The following TACR3 variants were observed in gnomAD, a reference collection of about 807,000 sequenced individuals.
TACR3 encodes the protein tachykinin receptor 3, also known as neuromedin-K receptor.
In TACR3, 34 loss-of-function variants were observed where a neutral mutation model predicts 35.0. The observed-to-expected ratio is 0.97, with a 90% CI of 0.74 to 1.30. The LOEUF is 1.30. Ranked by LOEUF, TACR3 falls within the 50% of genes most tolerant of loss-of-function variation. TACR3 has a pLI of 0.00. For synonymous variants in TACR3, 233 were observed against 221.1 expected (o/e 1.05, Z -0.48); for missense variants, 558 against 591.7 (o/e 0.94, Z 0.59).
At chr4:103,620,901 T>TAAAA (rs60906380) in intron 3 of TACR3, among the ~76,000 whole-genome samples, 2 of 151,532 alleles carry the variant, frequency 1.3e-5, no homozygotes, top group African/African-American at 4.9e-5. Flanking sequence ...TTTTAAAAAA[T>TAAAA]AAAGATTCCA....
intron 3 of TACR3, among the ~76,000 whole-genome samples, chr4:103,647,414 AC>A (rs1725486597): frequency 6.6e-6 from 1 of 151,910 alleles, no homozygotes; most frequent in African/African-American, 2.4e-5. Flanking sequence ...CATTAATATA[AC>A]TTGGTCAGCA....
chr4:103,702,907 G>T (rs1384212615), intron 1 of TACR3, among the ~76,000 whole-genome samples: 70 of 110,658 alleles, frequency 6.3e-4, no homozygotes, highest in South Asian at 3.8e-4. Flanking sequence ...GTTGTGGGGT[G>T]GGGGGAGGGG....
intron 3 of TACR3, among the ~76,000 whole-genome samples, chr4:103,627,684 C>G (rs1351156398): frequency 1.3e-5 from 2 of 152,006 alleles, no homozygotes; most frequent in African/African-American, 4.8e-5. Context: ...GACTGCCACA[C>G]AATAATAATG....
At chr4:103,653,836 CA>C (rs199587921) in intron 3 of TACR3, among the ~76,000 whole-genome samples, 4,583 of 152,010 alleles carry the variant, frequency 0.03, 224 homozygotes, top group African/African-American at 0.1. Flanking sequence ...ACAATGAACT[CA>C]AACAAATTTA....
At chr4:103,682,351 A>G (rs1722118353) in intron 1 of TACR3, among the ~76,000 whole-genome samples, 9 of 152,196 alleles carry the variant, frequency 5.9e-5, no homozygotes, top group Admixed American at 5.9e-4. Flanking sequence ...ATTGACTCAC[A>G]GTTCCACATG....
rs150011233 is a variant in TACR3, at chr4:103,610,874, G to C, written c.889-19191C>G. 4.2e-3 allele frequency among the ~76,000 whole-genome samples: 643 copies of C among 152,054 alleles called. 5 individuals carry two copies. Among genetic ancestry groups the C allele is most frequent in the African/African-American group, 0.014 (593 of 41,508 alleles). The stretch of plus-strand genomic sequence containing the variant: ...TAACCAGTTTTCCTAGCCCCATTTA[G>C]GGGCTTGTCCTTTCCCCAATGTGTG... On this transcript the variant is annotated intron_variant, in intron 3 of 4. Transcript: ENST00000304883.
At chr4:103,684,987 TTAAA>T (rs146299787) in intron 1 of TACR3, among the ~76,000 whole-genome samples, 23,242 of 141,930 alleles carry the variant, frequency 0.16, 2,318 homozygotes, top group African/African-American at 0.29. Flanking sequence ...CATCTCAAAA[TTAAA>T]TAAATAAATA....
chr4:103,653,405 G>A (rs1485386799), intron 3 of TACR3, among the ~76,000 whole-genome samples: 1 of 151,678 alleles, frequency 6.6e-6, no homozygotes, highest in Non-Finnish European at 1.5e-5. Context: ...TTTCTTTCTA[G>A]AAAAACATTA....
intron 1 of TACR3, among the ~76,000 whole-genome samples, chr4:103,693,814 T>C (rs1461370287): frequency 6.6e-6 from 1 of 152,102 alleles, no homozygotes; most frequent in African/African-American, 2.4e-5. Flanking sequence ...AGAGATTTTT[T>C]TCCCAGGTAA....
At chr4:103,624,392 C>T (rs1195801018) in intron 3 of TACR3, 1 of 151,936 alleles carries the variant, frequency 6.6e-6, no homozygotes, top group African/African-American at 2.4e-5. Context: ...AAGATAATAC[C>T]TGAGAATCAA....
chr4:103,628,304 C>T (rs1167475165), intron 3 of TACR3, among the ~76,000 whole-genome samples: 2 of 151,388 alleles, frequency 1.3e-5, no homozygotes, highest in African/African-American at 2.4e-5. Context: ...TCAGAGCAGA[C>T]CTGAAGGAGA....
chr4:103,700,560 C>T (rs952496966), intron 1 of TACR3, among the ~76,000 whole-genome samples: 11 of 152,202 alleles, frequency 7.2e-5, no homozygotes, highest in Non-Finnish European at 7.3e-5. Context: ...TTACTCCAAA[C>T]AGGTGATGTC....
intron 3 of TACR3, among the ~76,000 whole-genome samples, chr4:103,651,718 G>A (rs1725622178): frequency 1.3e-5 from 2 of 151,978 alleles, no homozygotes; most frequent in Non-Finnish European, 2.9e-5. Context: ...AAGCTAGCAT[G>A]TCTCAGGCTC....
In TACR3 at chr4:103,589,440, A is replaced by G. The variant is rs1723841661; in HGVS notation, c.*242T>C. 2.1e-6 allele frequency: 1 copy of G among 486,406 alleles called. No homozygotes were observed. Among genetic ancestry groups the G allele is most frequent in the Non-Finnish European group, 3.7e-6 (1 of 270,966 alleles). The allele number at this position is 486,406 out of a possible 1,614,324, so 30.1% of individuals were successfully genotyped here. On this transcript the variant is annotated 3_prime_UTR_variant, in exon 5 of 5. Transcript: ENST00000304883. ...TTCCTGACATATTTTTGTTCATTGC[A>G]TATAATAATTTAGAGTTTTCAAAGA...
chr4:103,626,740 GGT>G (rs1212835162), intron 3 of TACR3, among the ~76,000 whole-genome samples: 1 of 152,120 alleles, frequency 6.6e-6, no homozygotes, highest in Non-Finnish European at 1.5e-5. Context: ...TATAGTTTAA[GGT>G]TAAGGGAATT....
chr4:103,603,053 T>C (rs1724248914), intron 3 of TACR3, among the ~76,000 whole-genome samples: 1 of 152,264 alleles, frequency 6.6e-6, no homozygotes, highest in Non-Finnish European at 1.5e-5. Flanking sequence ...TCGAGCTTCC[T>C]GTCTGCTTTG....
At chr4:103,648,575 T>C (rs1725509337) in intron 3 of TACR3, among the ~76,000 whole-genome samples, 1 of 152,112 alleles carries the variant, frequency 6.6e-6, no homozygotes, top group Admixed American at 6.6e-5. Flanking sequence ...TCACTTAACA[T>C]AATGACCTCT....
intron 3 of TACR3, among the ~76,000 whole-genome samples, chr4:103,613,375 G>C (rs928833264): frequency 6.6e-6 from 1 of 152,076 alleles, no homozygotes; most frequent in Non-Finnish European, 1.5e-5. Context: ...ATTACTTAGG[G>C]AAAACTGCCA....
chr4:103,629,768 T>A (rs1240012843), intron 3 of TACR3, among the ~76,000 whole-genome samples: 3 of 149,686 alleles, frequency 2.0e-5, no homozygotes, highest in Non-Finnish European at 4.4e-5. Flanking sequence ...AATGACTTTC[T>A]TCACAGAATT....
Sources: gnomAD v4.1 joint callset for allele counts (sites outside exome capture counted in the v4.1 genomes callset) on GRCh38, gnomAD v4.1.1 for gene constraint, MANE v1.5 for transcripts, NCBI Gene and HGNC (gene_info 2026-07-23, HGNC 2026-07-21) for gene names.